The following LRP1B variants were observed in gnomAD, a reference collection of about 807,000 sequenced individuals.
LRP1B encodes low-density lipoprotein receptor-related protein 1B.
Under a neutral mutation model 556.6 loss-of-function variants are expected in LRP1B, and 217 were observed. The observed-to-expected ratio is 0.39, with a 90% confidence interval of 0.35 to 0.44. The LOEUF (loss-of-function observed/expected upper bound fraction) is 0.44. Among genes scored for constraint, LRP1B ranks in the 20% least tolerant of loss-of-function variants. The pLI is 1.00. For synonymous variants in LRP1B, 2,047 were observed against 1,865.8 expected (o/e 1.10, Z -2.50); for missense variants, 5,053 against 5,620.8 (o/e 0.90, Z 3.23).
chr2:140,579,885 C>T (rs6430926), intron 43 of LRP1B, among the ~76,000 whole-genome samples: 73,031 of 151,964 alleles, frequency 0.48, 17,907 homozygotes, highest in Admixed American at 0.57. Context: ...GGGTAAAAAC[C>T]ATTTTCAGAA....
chr2:140,963,982 C>T (rs890293904), intron 18 of LRP1B, among the ~76,000 whole-genome samples: 1 of 152,032 alleles, frequency 6.6e-6, no homozygotes, highest in Non-Finnish European at 1.5e-5. Context: ...ACCACCAATG[C>T]GCGGAGACCG....
chr2:140,676,869 T>C (rs903112669), intron 41 of LRP1B, among the ~76,000 whole-genome samples: 5 of 152,238 alleles, frequency 3.3e-5, no homozygotes, highest in African/African-American at 1.2e-4. Context: ...GTACCTATTA[T>C]ATACCAAATA....
chr2:140,553,647 T>A (rs1328453408), intron 43 of LRP1B, among the ~76,000 whole-genome samples: 1 of 151,982 alleles, frequency 6.6e-6, no homozygotes, highest in Admixed American at 6.6e-5. Flanking sequence ...AAGCAAGAAA[T>A]AGCTAGTGTG....
chr2:140,846,852 C>A (rs1414110383), intron 29 of LRP1B, among the ~76,000 whole-genome samples: 1 of 152,112 alleles, frequency 6.6e-6, no homozygotes, highest in South Asian at 2.1e-4. Flanking sequence ...AATTTGAGAT[C>A]CTTTGATGAG....
chr2:141,464,600 A>ATTTTTT (rs1168356384), intron 3 of LRP1B, among the ~76,000 whole-genome samples: 3 of 76,280 alleles, frequency 3.9e-5, no homozygotes, highest in Non-Finnish European at 8.2e-5. Context: ...ATATATATAT[A>ATTTTTT]TATATATTTT....
chr2:140,569,464 CAAAG>C (rs916814010), intron 43 of LRP1B, among the ~76,000 whole-genome samples: 11 of 151,722 alleles, frequency 7.3e-5, no homozygotes, highest in African/African-American at 2.7e-4. Context: ...TGAAAAGAGA[CAAAG>C]AAGGTCATTA....
chr2:141,604,564 T>C (rs1687850544), intron 2 of LRP1B, among the ~76,000 whole-genome samples: 1 of 152,146 alleles, frequency 6.6e-6, no homozygotes, highest in Admixed American at 6.5e-5. Context: ...TACATTTTCT[T>C]CTGATTGATC....
At chr2:140,471,975 G>A (rs1175240119) in intron 60 of LRP1B, among the ~76,000 whole-genome samples, 1 of 152,096 alleles carries the variant, frequency 6.6e-6, no homozygotes, top group Non-Finnish European at 1.5e-5. Flanking sequence ...TTCCCTCTAT[G>A]GGGAGCTTTT....
chr2:140,358,636 G>A (rs1682354484), intron 73 of LRP1B, among the ~76,000 whole-genome samples, 185 bp downstream of exon 73: 1 of 151,604 alleles, frequency 6.6e-6, no homozygotes, highest in Non-Finnish European at 1.5e-5. Flanking sequence ...ATGGATAAAG[G>A]TGCACACCTA....
chr2:140,470,179 G>C (rs1687704135), intron 60 of LRP1B, among the ~76,000 whole-genome samples: 1 of 152,308 alleles, frequency 6.6e-6, no homozygotes, highest in East Asian at 1.9e-4. Flanking sequence ...TAGTTTACAA[G>C]TGTTCAACTT....
intron 8 of LRP1B, among the ~76,000 whole-genome samples, 186 bp downstream of exon 8, chr2:141,061,865 T>A (rs1699346017): frequency 6.6e-6 from 1 of 151,834 alleles, no homozygotes; most frequent in Non-Finnish European, 1.5e-5. Context: ...AAGAGAGGCA[T>A]CTCCAATTTT....
chr2:140,608,031 AT>A (rs1270422685), intron 41 of LRP1B, among the ~76,000 whole-genome samples: 1 of 151,836 alleles, frequency 6.6e-6, no homozygotes, highest in South Asian at 2.1e-4. Flanking sequence ...TAAAATAATA[AT>A]TTTTTCCACC....
intron 2 of LRP1B, among the ~76,000 whole-genome samples, chr2:141,684,969 G>A (rs1402426307): frequency 1.3e-5 from 2 of 152,088 alleles, no homozygotes; most frequent in African/African-American, 4.8e-5. Context: ...TCAGGGCAGA[G>A]CTGCACTCCC....
intron 66 of LRP1B, among the ~76,000 whole-genome samples, chr2:140,408,304 C>A (rs1035421480): frequency 5.3e-5 from 8 of 151,678 alleles, no homozygotes; most frequent in African/African-American, 1.9e-4. Flanking sequence ...ATCAAAAAAC[C>A]ACTACTATCC....
At chr2:140,353,416 C>A (rs551054905) in intron 75 of LRP1B, among the ~76,000 whole-genome samples, 1 of 151,984 alleles carries the variant, frequency 6.6e-6, no homozygotes, top group South Asian at 2.1e-4. Context: ...GGTTTGCTAC[C>A]TAGATAAACT....
intron 4 of LRP1B, among the ~76,000 whole-genome samples, chr2:141,250,010 A>AG (rs1684204432): frequency 6.6e-6 from 1 of 152,152 alleles, no homozygotes; most frequent in Non-Finnish European, 1.5e-5. Flanking sequence ...TTCTGGAGAA[A>AG]GGGGGTGAGA....
intron 57 of LRP1B, among the ~76,000 whole-genome samples, chr2:140,489,967 G>T (rs1182534508): frequency 3.3e-5 from 5 of 152,008 alleles, no homozygotes; most frequent in Non-Finnish European, 5.9e-5. Context: ...AGCCAAGCTG[G>T]TCATTTTTCT....
At chr2:142,119,302 G>A (rs77672011) in intron 1 of LRP1B, among the ~76,000 whole-genome samples, 2 of 152,046 alleles carry the variant, frequency 1.3e-5, no homozygotes, top group Non-Finnish European at 2.9e-5. Flanking sequence ...TTGAAGTAAA[G>A]TATATTCTTC....
intron 71 of LRP1B, 28 bp from the exon 72 acceptor site, chr2:140,364,811 G>T: frequency 6.2e-7 from 1 of 1,603,382 alleles, no homozygotes; most frequent in Non-Finnish European, 8.5e-7. Flanking sequence ...AAGAAACAAA[G>T]AGATTCAGAG....
Sources: allele counts gnomAD v4.1 joint callset (sites outside exome capture counted in the v4.1 genomes callset), GRCh38; gene constraint gnomAD v4.1.1; transcripts MANE v1.5; gene names NCBI Gene and HGNC (gene_info 2026-07-23, HGNC 2026-07-21).